The following CADM2 variants were observed in gnomAD, a reference collection of about 807,000 sequenced individuals.
CADM2 encodes immunoglobulin superfamily member 4D.
CADM2 carries 12 observed loss-of-function variants against 49.8 expected under a neutral mutation model. That is an observed-to-expected ratio of 0.24 (90% CI 0.15 to 0.39). CADM2 has a LOEUF of 0.39. Among genes scored for constraint, CADM2 ranks in the 10% least tolerant of loss-of-function variants. CADM2 has a pLI of 1.00. For synonymous variants in CADM2, 214 were observed against 175.4 expected (o/e 1.22, Z -1.74); for missense variants, 378 against 492.3 (o/e 0.77, Z 2.20).
At chr3:85,589,864 G>A (rs2063054194) in intron 1 of CADM2, among the ~76,000 whole-genome samples, 1 of 151,904 alleles carries the variant, frequency 6.6e-6, no homozygotes, top group Non-Finnish European at 1.5e-5. Context: ...ATATGTTATG[G>A]GAGGAGTAAG....
chr3:85,932,323 C>A (rs1011495630), intron 6 of CADM2, among the ~76,000 whole-genome samples: 2 of 152,066 alleles, frequency 1.3e-5, no homozygotes, highest in Non-Finnish European at 2.9e-5. Flanking sequence ...ATTTTGAATA[C>A]GTCAAATGTG....
At chr3:85,086,642 C>T (rs978666861) in intron 1 of CADM2, among the ~76,000 whole-genome samples, 7 of 151,004 alleles carry the variant, frequency 4.6e-5, no homozygotes, top group African/African-American at 1.7e-4. Flanking sequence ...CTCCAAGTAG[C>T]TGGGATTGCA....
At chr3:85,486,280 A>G (rs528080094) in intron 1 of CADM2, among the ~76,000 whole-genome samples, 1 of 150,934 alleles carries the variant, frequency 6.6e-6, no homozygotes, top group South Asian at 2.1e-4. Flanking sequence ...GCAAAGGTAT[A>G]CATTTTTATA....
chr3:85,640,605 C>G (rs6765645), intron 1 of CADM2, among the ~76,000 whole-genome samples: 79,611 of 151,892 alleles, frequency 0.52, 21,868 homozygotes, highest in East Asian at 0.62. Flanking sequence ...GGAGCCAAGA[C>G]CTGGTTGGTG....
At chr3:85,738,649 T>C (rs932651767) in intron 2 of CADM2, among the ~76,000 whole-genome samples, 13 of 152,216 alleles carry the variant, frequency 8.5e-5, no homozygotes, top group African/African-American at 3.1e-4. Flanking sequence ...CATATCTCTC[T>C]TTCTTTTTCT....
rs143867846 is a variant in CADM2, at chr3:85,246,234, G to A, written c.61+286566G>A. On this transcript the variant is annotated intron_variant, in intron 1 of 9. Coordinates refer to ENST00000383699, the MANE Select transcript of CADM2 (RefSeq NM_001167675.2). ...CACCGCATGTTCTCACTCATAGGTG[G>A]GAATTGAACAATGAGAACACTTGGA... is the stretch of plus-strand genomic sequence containing the variant. 3.1e-3 allele frequency among the ~76,000 whole-genome samples: 471 copies of A among 152,112 alleles called. 1 individual carries two copies. The highest frequency in any genetic ancestry group is 9.8e-3 in the African/African-American group (408 of 41,498).
At chr3:85,074,852 T>C (rs1014137169) in intron 1 of CADM2, among the ~76,000 whole-genome samples, 4 of 151,764 alleles carry the variant, frequency 2.6e-5, no homozygotes, top group African/African-American at 7.3e-5. Flanking sequence ...CTCTATATTA[T>C]GAGAAAAATG....
intron 1 of CADM2, among the ~76,000 whole-genome samples, chr3:85,578,751 A>T (rs1397541230): frequency 1.3e-5 from 2 of 152,172 alleles, no homozygotes; most frequent in African/African-American, 2.4e-5. Context: ...ATCAGATTAG[A>T]TATTCTGTTC....
chr3:85,735,193 G>A (rs2068086868), intron 2 of CADM2, among the ~76,000 whole-genome samples: 1 of 152,070 alleles, frequency 6.6e-6, no homozygotes, highest in Non-Finnish European at 1.5e-5. Context: ...GAATGAGTTA[G>A]GAATACTTGG....
At chr3:85,991,760 G>A (rs564300215) in intron 8 of CADM2, among the ~76,000 whole-genome samples, 40 of 152,090 alleles carry the variant, frequency 2.6e-4, no homozygotes, top group African/African-American at 9.4e-4. Context: ...TAAGGATATC[G>A]ATTTAGCTTA....
At chr3:85,717,277 C>T (rs758430036) in intron 1 of CADM2, among the ~76,000 whole-genome samples, 2 of 152,216 alleles carry the variant, frequency 1.3e-5, no homozygotes, top group East Asian at 3.9e-4. Flanking sequence ...GGACTTTGCT[C>T]ATGATTTGGC....
intron 1 of CADM2, among the ~76,000 whole-genome samples, chr3:85,355,802 T>A (rs1055593654): frequency 1.3e-5 from 2 of 152,088 alleles, no homozygotes; most frequent in Non-Finnish European, 2.9e-5. Context: ...GGGTCTGTTG[T>A]GTTTGATGCA....
Position 85,930,454 on chromosome 3 carries a change from T to G in CADM2, c.701-5313T>G, listed in dbSNP as rs77929331. Reference sequence around the variant, plus strand: ...CATTTATTCTTTGAGTTACAAACAGTCCAATTACCTTCTGTAACTTATTTT... The same window carrying G: ...CATTTATTCTTTGAGTTACAAACAGGCCAATTACCTTCTGTAACTTATTTT... On this transcript the variant is annotated intron_variant, in intron 6 of 9. Transcript: ENST00000383699. 7.8e-3 allele frequency among the ~76,000 whole-genome samples: 1,195 copies of G among 152,284 alleles called. 9 individuals are homozygous for G. Among genetic ancestry groups the G allele is most frequent in the Non-Finnish European group, 0.013 (867 of 68,004 alleles).
At chr3:85,236,434 G>T (rs1200214887) in intron 1 of CADM2, among the ~76,000 whole-genome samples, 1 of 151,894 alleles carries the variant, frequency 6.6e-6, no homozygotes, top group Non-Finnish European at 1.5e-5. Flanking sequence ...AGTTAATTTG[G>T]TGTCAAAGTT....
intron 1 of CADM2, among the ~76,000 whole-genome samples, chr3:85,696,114 T>G (rs1389165190): frequency 1.3e-5 from 2 of 152,162 alleles, no homozygotes; most frequent in Non-Finnish European, 2.9e-5. Context: ...ATGGAATTAT[T>G]TGGTTTTTTC....
intron 1 of CADM2, among the ~76,000 whole-genome samples, chr3:85,192,862 G>T (rs1405879642): frequency 2.0e-5 from 3 of 151,930 alleles, no homozygotes; most frequent in African/African-American, 7.2e-5. Flanking sequence ...GTCCAAATTT[G>T]ACCAAGGTGA....
intron 1 of CADM2, among the ~76,000 whole-genome samples, chr3:85,659,324 G>T (rs1162378248): frequency 4.0e-5 from 6 of 151,614 alleles, no homozygotes. Flanking sequence ...AATTTTTGCT[G>T]CCTGATACAT....
chr3:85,146,832 A>C (rs1206080886), intron 1 of CADM2, among the ~76,000 whole-genome samples: 2 of 152,138 alleles, frequency 1.3e-5, no homozygotes, highest in Non-Finnish European at 2.9e-5. Context: ...CAAACTTTAC[A>C]TTTGCATGGG....
chr3:85,668,161 A>T (rs2065626988), intron 1 of CADM2, among the ~76,000 whole-genome samples: 1 of 151,806 alleles, frequency 6.6e-6, no homozygotes, highest in Non-Finnish European at 1.5e-5. Flanking sequence ...GCAATGGTGG[A>T]GATGGCCCTT....
Sources: allele counts gnomAD v4.1 joint callset (sites outside exome capture counted in the v4.1 genomes callset), GRCh38; gene constraint gnomAD v4.1.1; transcripts MANE v1.5; gene names NCBI Gene and HGNC (gene_info 2026-07-23, HGNC 2026-07-21).